The following PLEKHM3 variants were observed in gnomAD, a reference collection of about 807,000 sequenced individuals.
PLEKHM3 encodes pleckstrin homology domain containing M3, also known as pleckstrin homology domain-containing family M member 3.
Under a neutral mutation model 81.8 loss-of-function variants are expected in PLEKHM3, and 45 were observed. The ratio of observed to expected loss-of-function variants is 0.55; its 90% CI spans 0.43 to 0.71. The LOEUF is 0.71. Ranked by LOEUF, PLEKHM3 falls within the 30% of genes least tolerant of loss-of-function variation. The pLI, the probability that PLEKHM3 is intolerant of heterozygous loss-of-function variation, is 0.00. For synonymous variants in PLEKHM3, 352 were observed against 356.4 expected (o/e 0.99, Z 0.14); for missense variants, 788 against 924.3 (o/e 0.85, Z 1.91).
intron 5 of PLEKHM3, among the ~76,000 whole-genome samples, chr2:207,920,962 C>G (rs1291858915): frequency 6.6e-6 from 1 of 152,186 alleles, no homozygotes; most frequent in Admixed American, 6.5e-5. Context: ...ACACCACTGT[C>G]TGCCACCTCC....
At chr2:207,855,574 A>C (rs1202647810) in intron 7 of PLEKHM3, among the ~76,000 whole-genome samples, 1 of 152,098 alleles carries the variant, frequency 6.6e-6, no homozygotes, top group Non-Finnish European at 1.5e-5. Context: ...AAAGAGGGGG[A>C]GGAAGAGGAA....
At chr2:207,959,610 A>G (rs984183028) in intron 3 of PLEKHM3, among the ~76,000 whole-genome samples, 5 of 152,056 alleles carry the variant, frequency 3.3e-5, no homozygotes, top group Non-Finnish European at 7.4e-5. Flanking sequence ...CTTTCCTCAT[A>G]TTTTAGGAGA....
rs112041958 is a variant in PLEKHM3, at chr2:208,007,970, G to A, written c.-318-6013C>T. On this transcript the variant is annotated intron_variant, in intron 1 of 7. Transcript: ENST00000427836. ...CGGGAGGCTGAGGCAGGAGAATGGC[G>A]TGAACCCGGGAGGCGGAGCTTGCAG... Among the ~76,000 whole-genome samples the A allele has an allele frequency of 4.1e-3, 626 of 152,102 alleles. 3 individuals are homozygous for A. Among genetic ancestry groups the A allele is most frequent in the Non-Finnish European group, 7.0e-3 (479 of 67,966 alleles).
At chr2:207,924,457 G>C (rs1346014370) in intron 5 of PLEKHM3, among the ~76,000 whole-genome samples, 4 of 151,958 alleles carry the variant, frequency 2.6e-5, no homozygotes, top group African/African-American at 7.2e-5. Flanking sequence ...CGCCGAGGCA[G>C]GTGGATCACT....
At chr2:207,879,336 G>A (rs1429117264) in intron 6 of PLEKHM3, among the ~76,000 whole-genome samples, 1 of 152,154 alleles carries the variant, frequency 6.6e-6, no homozygotes, top group Non-Finnish European at 1.5e-5. Context: ...TAGTTTCTAA[G>A]GCATTTGTGA....
chr2:207,891,920 A>C (rs1688072172), intron 6 of PLEKHM3, among the ~76,000 whole-genome samples: 1 of 152,206 alleles, frequency 6.6e-6, no homozygotes, highest in East Asian at 1.9e-4. Context: ...CTGAGAACTA[A>C]GTAACTCAGG....
chr2:207,948,866 A>G (rs1690235047), intron 3 of PLEKHM3, among the ~76,000 whole-genome samples: 1 of 151,970 alleles, frequency 6.6e-6, no homozygotes, highest in Non-Finnish European at 1.5e-5. Context: ...TTCAGTAGAG[A>G]CGGGGCTTCG....
At chr2:207,913,961 G>A (rs192538797) in intron 5 of PLEKHM3, among the ~76,000 whole-genome samples, 10 of 151,972 alleles carry the variant, frequency 6.6e-5, no homozygotes, top group East Asian at 1.9e-4. Context: ...CCCTGACCGC[G>A]CGTGTGCGTG....
chr2:207,970,917 CCCAAGAGGTTA>C (rs1407263180), intron 3 of PLEKHM3, among the ~76,000 whole-genome samples: 19 of 152,208 alleles, frequency 1.2e-4, no homozygotes, highest in Non-Finnish European at 2.4e-4. Context: ...CAACAGCAGT[CCCAAGAGGTTA>C]AACAGCAGCC....
At chr2:207,886,025 T>C (rs2621476) in intron 6 of PLEKHM3, among the ~76,000 whole-genome samples, 99,701 of 151,990 alleles carry the variant, frequency 0.66, 34,160 homozygotes, top group African/African-American at 0.84. Context: ...TCTAGATCAG[T>C]ATAATTTTTT....
At position 207,886,316 on chromosome 2, in the gene PLEKHM3, C is replaced by G. The variant is rs372631200; in HGVS notation, c.1950+22198G>C. On this transcript the variant is annotated intron_variant, in intron 6 of 7. Coordinates refer to ENST00000427836, the MANE Select transcript of PLEKHM3 (RefSeq NM_001080475.3). ...CCAACAAGAAGGAGAAAGAAATAAC[C>G]TATAGATTAAAAGCAATTAAAAGTA... is the stretch of plus-strand genomic sequence containing the variant. Among the ~76,000 whole-genome samples, 11 of 152,076 alleles carry G rather than the reference C, an allele frequency of 7.2e-5. No individual in the cohort carries two copies. In the East Asian group the frequency reaches 2.1e-3, roughly 29 times the overall value.
At chr2:207,875,489 G>A (rs760042719) in intron 6 of PLEKHM3, among the ~76,000 whole-genome samples, 1 of 152,190 alleles carries the variant, frequency 6.6e-6, no homozygotes, top group Non-Finnish European at 1.5e-5. Flanking sequence ...GAAGGCAACT[G>A]GACTGGCAAT....
chr2:207,923,732 C>G (rs1038709403), intron 5 of PLEKHM3, among the ~76,000 whole-genome samples: 3 of 150,626 alleles, frequency 2.0e-5, no homozygotes, highest in Non-Finnish European at 4.4e-5. Flanking sequence ...AACCTTAAAG[C>G]AAAACTTTTG....
intron 2 of PLEKHM3, among the ~76,000 whole-genome samples, chr2:208,000,823 C>T (rs1209705621): frequency 1.3e-5 from 2 of 151,846 alleles, no homozygotes; most frequent in Non-Finnish European, 2.9e-5. Context: ...CTGTAAAGTA[C>T]ACAAGAAAAT....
In PLEKHM3 at chr2:207,970,974, T is replaced by C. The variant is rs1430376963; in HGVS notation, c.1546+5677A>G. 2.0e-5 allele frequency among the ~76,000 whole-genome samples: 3 copies of C among 152,076 alleles called. No homozygotes were observed. The East Asian group carries it at 5.8e-4, about 29-fold the overall frequency. On this transcript the variant is annotated intron_variant, in intron 3 of 7. Transcript: ENST00000427836. ...ACCATAAAATCTGACACAGTGAAAA[T>C]GGTGTAGGGGATCCCCCAGGCTCAC... is the stretch of plus-strand genomic sequence containing the variant.
intron 3 of PLEKHM3, among the ~76,000 whole-genome samples, chr2:207,959,984 C>G (rs1416590908): frequency 6.6e-6 from 1 of 152,130 alleles, no homozygotes; most frequent in Non-Finnish European, 1.5e-5. Flanking sequence ...TTTAGAAGCA[C>G]ATGTTTGTGA....
intron 6 of PLEKHM3, among the ~76,000 whole-genome samples, chr2:207,876,337 CAT>C (rs1016066319): frequency 2.6e-5 from 4 of 151,860 alleles, no homozygotes; most frequent in African/African-American, 4.8e-5. Context: ...AGTAAACAAA[CAT>C]AATCTGCATA....
At chr2:207,891,757 C>G (rs1163187973) in intron 6 of PLEKHM3, among the ~76,000 whole-genome samples, 1 of 152,202 alleles carries the variant, frequency 6.6e-6, no homozygotes, top group African/African-American at 2.4e-5. Flanking sequence ...CTTCCTATAA[C>G]TGATTCATTC....
intron 1 of PLEKHM3, among the ~76,000 whole-genome samples, chr2:208,008,919 C>CTACCTTCAGTCTCAATCTCAGAA (rs1370143936): frequency 6.6e-6 from 1 of 152,244 alleles, no homozygotes; most frequent in East Asian, 1.9e-4. Flanking sequence ...GTTCAAATTT[C>CTACCTTCAGTCTCAATCTCAGAA]TACCTTCAGT....
Sources: allele counts gnomAD v4.1 joint callset (sites outside exome capture counted in the v4.1 genomes callset), GRCh38; gene constraint gnomAD v4.1.1; transcripts MANE v1.5; gene names NCBI Gene and HGNC (gene_info 2026-07-23, HGNC 2026-07-21).